Variants in HDX observed in about 807,000 individuals in gnomAD.
The protein encoded by HDX is highly divergent homeobox.
In HDX, 19 loss-of-function variants were observed where a neutral mutation model predicts 45.2. The ratio of observed to expected loss-of-function variants is 0.42; its 90% CI spans 0.29 to 0.62. HDX has a LOEUF of 0.62. HDX is among the 20% of genes least tolerant of loss of function. The pLI, the probability that HDX is intolerant of heterozygous loss-of-function variation, is 0.20. For synonymous variants in HDX, 188 were observed against 172.8 expected (o/e 1.09, Z -0.69); for missense variants, 532 against 493.9 (o/e 1.08, Z -0.73).
intron 5 of HDX, among the ~76,000 whole-genome samples, chrX:84,391,908 T>A (rs2038451785): frequency 8.9e-6 from 1 of 111,832 alleles, no homozygotes; most frequent in Non-Finnish European, 1.9e-5. Flanking sequence ...ATTCTCTTGA[T>A]TGCTTCCTTT....
At chrX:84,416,094 C>T (rs2039096636) in intron 5 of HDX, among the ~76,000 whole-genome samples, 1 of 111,724 alleles carries the variant, frequency 9.0e-6, no homozygotes, top group African/African-American at 3.3e-5. Flanking sequence ...TAGGCTCAGA[C>T]AGGTTATTAG....
intron 5 of HDX, among the ~76,000 whole-genome samples, chrX:84,393,325 T>C (rs2147936461): frequency 9.0e-6 from 1 of 111,663 alleles, no homozygotes; most frequent in African/African-American, 3.2e-5. Context: ...TAACATCACG[T>C]TTATTCATTT....
intron 5 of HDX, among the ~76,000 whole-genome samples, chrX:84,382,824 T>C (rs2038220516): frequency 9.0e-6 from 1 of 111,253 alleles, no homozygotes; most frequent in Non-Finnish European, 1.9e-5. Context: ...ATATTAATTG[T>C]ATTTTTTAAA....
chrX:84,453,038 G>A (rs1023159479), intron 4 of HDX, among the ~76,000 whole-genome samples: 2 of 112,120 alleles, frequency 1.8e-5, no homozygotes, highest in Non-Finnish European at 3.8e-5. Context: ...TGTTGAATGA[G>A]AAGAAATATT....
At chrX:84,421,667 C>T (rs1157806807) in intron 5 of HDX, among the ~76,000 whole-genome samples, 2 of 105,616 alleles carry the variant, frequency 1.9e-5, no homozygotes, top group Non-Finnish European at 3.9e-5. Context: ...CTGTTGCTTA[C>T]GAGAAACACC....
chrX:84,365,988 A>T (rs2037741969), intron 5 of HDX, among the ~76,000 whole-genome samples: 1 of 111,788 alleles, frequency 8.9e-6, no homozygotes, highest in Non-Finnish European at 1.9e-5. Flanking sequence ...GGCCAGGGCA[A>T]TCAGGCAAGA....
At chrX:84,403,434 C>G (rs946448757) in intron 5 of HDX, among the ~76,000 whole-genome samples, 1 of 111,352 alleles carries the variant, frequency 9.0e-6, no homozygotes, top group East Asian at 2.8e-4. Context: ...AGTTAAAAAT[C>G]TATGTCTCTA....
intron 5 of HDX, among the ~76,000 whole-genome samples, chrX:84,397,679 T>C (rs2038597788): frequency 8.9e-6 from 1 of 111,777 alleles, no homozygotes; most frequent in African/African-American, 3.3e-5. Context: ...TTTTGGATAA[T>C]CTATTCAAAG....
intron 4 of HDX, among the ~76,000 whole-genome samples, chrX:84,454,449 C>T (rs927402746): frequency 9.0e-6 from 1 of 111,428 alleles, no homozygotes; most frequent in Non-Finnish European, 1.9e-5. Context: ...GTCTTTGCCA[C>T]GGGCCTGAGG....
In HDX at chrX:84,436,419, T is replaced by C. The variant is rs777185064; in HGVS notation, c.1305+4113A>G. Among the ~76,000 whole-genome samples, 3 of 111,561 alleles carry C rather than the reference T, an allele frequency of 2.7e-5. No homozygotes were observed. In the East Asian group the frequency reaches 8.6e-4, roughly 32 times the overall value. ...AAAAAAAAGAAAAATGCATTTTAAC[T>C]TGATTATTTGATTTTTTTTCTAGTT... On this transcript the variant is annotated intron_variant, in intron 5 of 10. Transcript: ENST00000373177.
At chrX:84,415,521 C>T (rs977074033) in intron 5 of HDX, among the ~76,000 whole-genome samples, 16 of 111,934 alleles carry the variant, frequency 1.4e-4, no homozygotes, top group Non-Finnish European at 2.8e-4. Flanking sequence ...TGAGTCCCAG[C>T]TCAGCAGATT....
At chrX:84,418,357 G>C (rs2039163569) in intron 5 of HDX, among the ~76,000 whole-genome samples, 1 of 111,591 alleles carries the variant, frequency 9.0e-6, no homozygotes, top group South Asian at 3.7e-4. Context: ...AATTAAACTG[G>C]GAAAATAATG....
chrX:84,434,637 G>A (rs780551852), intron 5 of HDX, among the ~76,000 whole-genome samples: 4 of 109,954 alleles, frequency 3.6e-5, no homozygotes, highest in East Asian at 2.9e-4. Flanking sequence ...TTTCTTTTTC[G>A]GTTGTATCAT....
At chrX:84,364,439 A>T (rs1446741694) in intron 5 of HDX, among the ~76,000 whole-genome samples, 7 of 96,907 alleles carry the variant, frequency 7.2e-5, no homozygotes, top group Non-Finnish European at 1.2e-4. Context: ...ACAATTCAGT[A>T]TTGTTATTTA....
intron 10 of HDX, among the ~76,000 whole-genome samples, chrX:84,323,055 A>C (rs2036630224): frequency 1.8e-5 from 2 of 111,136 alleles, no homozygotes; most frequent in Middle Eastern, 9.2e-3. Flanking sequence ...TCTCTTTATT[A>C]AAATAAGTGG....
At chrX:84,366,363 C>A (rs1277723108) in intron 5 of HDX, among the ~76,000 whole-genome samples, 2 of 111,946 alleles carry the variant, frequency 1.8e-5, no homozygotes, top group East Asian at 5.6e-4. Context: ...ACGTTCCATG[C>A]TCATGGGTTG....
At chrX:84,433,094 T>C (rs1371894705) in intron 5 of HDX, among the ~76,000 whole-genome samples, 1 of 112,063 alleles carries the variant, frequency 8.9e-6, no homozygotes, top group Admixed American at 9.5e-5. Context: ...GGGTGAGCAG[T>C]TCACAGATAT....
intron 6 of HDX, among the ~76,000 whole-genome samples, chrX:84,347,313 G>A (rs1350564560): frequency 9.0e-6 from 1 of 110,522 alleles, no homozygotes; most frequent in African/African-American, 3.3e-5. Context: ...TCCCACCTCA[G>A]CCTCCTGAGT....
chrX:84,377,696 C>G (rs1727634360), intron 5 of HDX, among the ~76,000 whole-genome samples: 1 of 109,901 alleles, frequency 9.1e-6, no homozygotes, highest in South Asian at 3.9e-4. Context: ...TAATAATACA[C>G]AGTCAGAGGG....
Sources: allele counts gnomAD v4.1 joint callset (sites outside exome capture counted in the v4.1 genomes callset), GRCh38; gene constraint gnomAD v4.1.1; transcripts MANE v1.5; gene names NCBI Gene and HGNC (gene_info 2026-07-23, HGNC 2026-07-21).